Variants in WDR7 observed in about 807,000 individuals in gnomAD.
WDR7 encodes WD repeat domain 7, also known as WD repeat-containing protein 7.
Under a neutral mutation model 169.4 loss-of-function variants are expected in WDR7, and 46 were observed. That is an observed-to-expected ratio of 0.27 (90% CI 0.21 to 0.35). The LOEUF is 0.35. Among genes scored for constraint, WDR7 ranks in the 10% least tolerant of loss-of-function variants. The pLI, the probability that WDR7 is intolerant of heterozygous loss-of-function variation, is 1.00. For missense variants in WDR7, 1,534 were observed against 1,859.3 expected, an observed-to-expected ratio of 0.83 and a Z score of 3.22; for synonymous variants, 612 against 666.8, an observed-to-expected ratio of 0.92 and a Z score of 1.27.
At chr18:56,911,960 G>A (rs755195846) in intron 21 of WDR7, among the ~76,000 whole-genome samples, 20 of 152,126 alleles carry the variant, frequency 1.3e-4, no homozygotes, top group Non-Finnish European at 2.4e-4. Flanking sequence ...ACATTAGCGC[G>A]AATGGATAAA....
At chr18:57,007,872 A>G (rs1599241476) in intron 26 of WDR7, among the ~76,000 whole-genome samples, 2 of 151,946 alleles carry the variant, frequency 1.3e-5, no homozygotes, top group Admixed American at 1.3e-4. Flanking sequence ...AACCATTTAC[A>G]TTGGATTTTT....
intron 19 of WDR7, among the ~76,000 whole-genome samples, chr18:56,782,857 TCA>T (rs1185202124): frequency 6.6e-6 from 1 of 152,170 alleles, no homozygotes; most frequent in Non-Finnish European, 1.5e-5. Context: ...TTTCTTAGTC[TCA>T]GTTTTATCGC....
chr18:56,875,140 C>T (rs2046005988), intron 20 of WDR7, among the ~76,000 whole-genome samples: 1 of 152,162 alleles, frequency 6.6e-6, no homozygotes, highest in South Asian at 2.1e-4. Context: ...TTAAAGTCAG[C>T]TTCTGGAAAG....
At chr18:56,848,510 A>C (rs1338812155) in intron 20 of WDR7, among the ~76,000 whole-genome samples, 1 of 152,124 alleles carries the variant, frequency 6.6e-6, no homozygotes, top group Admixed American at 6.5e-5. Flanking sequence ...AGAAGGACAT[A>C]AGATTAGGGG....
rs1288134170 is a variant in WDR7, at chr18:56,741,333, A to G, written c.1989+9736A>G. On this transcript the variant is annotated intron_variant, in intron 14 of 27. Transcript: ENST00000254442. Reference sequence around the variant, plus strand: ...GTTATCGAATCATCTTCTCTTGAAAACCAATCCAAAATAATCTTTTGTCAT... The same window carrying G: ...GTTATCGAATCATCTTCTCTTGAAAGCCAATCCAAAATAATCTTTTGTCAT... Among the ~76,000 whole-genome samples, 7 of 152,206 alleles carry G rather than the reference A, an allele frequency of 4.6e-5. 1 individual carries two copies. Among genetic ancestry groups the G allele is most frequent in the African/African-American group, 1.7e-4 (7 of 41,534 alleles).
intron 13 of WDR7, among the ~76,000 whole-genome samples, chr18:56,724,205 G>T (rs2026386463): frequency 8.9e-6 from 1 of 112,546 alleles, no homozygotes; most frequent in South Asian, 3.0e-4. Context: ...TGACATGCCT[G>T]GTAATTTTTT....
intron 26 of WDR7, among the ~76,000 whole-genome samples, chr18:57,012,218 G>A (rs916121466): frequency 6.6e-6 from 1 of 152,176 alleles, no homozygotes; most frequent in Non-Finnish European, 1.5e-5. Context: ...CACTGTGACA[G>A]TGGGCCAGTG....
intron 14 of WDR7, among the ~76,000 whole-genome samples, chr18:56,751,395 T>C (rs538496453): frequency 2.0e-5 from 3 of 152,262 alleles, no homozygotes; most frequent in Admixed American, 6.5e-5. Context: ...CAATAATTTC[T>C]TTACCAAGCA....
chr18:56,812,643 C>T (rs553135831), intron 19 of WDR7, among the ~76,000 whole-genome samples: 4 of 152,264 alleles, frequency 2.6e-5, no homozygotes, highest in African/African-American at 9.6e-5. Context: ...ATGGCCAAAG[C>T]CCTGAGAACC....
chr18:56,930,414 AT>A (rs1399668444), intron 22 of WDR7, among the ~76,000 whole-genome samples: 1 of 152,190 alleles, frequency 6.6e-6, no homozygotes, highest in Non-Finnish European at 1.5e-5. Context: ...TTTCTGTGAA[AT>A]TTATTCTTAA....
At chr18:56,867,018 T>C (rs1016876056) in intron 20 of WDR7, among the ~76,000 whole-genome samples, 6 of 151,714 alleles carry the variant, frequency 4.0e-5, no homozygotes, top group African/African-American at 1.5e-4. Flanking sequence ...TACTTATTTA[T>C]TTATTTATTT....
intron 26 of WDR7, among the ~76,000 whole-genome samples, chr18:56,972,162 C>CT (rs2047498051): frequency 6.6e-6 from 1 of 152,180 alleles, no homozygotes; most frequent in Middle Eastern, 3.4e-3. Context: ...GTCAAGCACT[C>CT]TAAGACACTA....
At chr18:56,939,511 T>C (rs1326099555) in intron 25 of WDR7, 118 bp downstream of exon 25, 1 of 585,436 alleles carries the variant, frequency 1.7e-6, no homozygotes, top group Non-Finnish European at 2.7e-6. Context: ...TTTATTAATG[T>C]CTGCTTACTT....
At chr18:56,982,357 A>G (rs1228944115) in intron 26 of WDR7, among the ~76,000 whole-genome samples, 5 of 152,188 alleles carry the variant, frequency 3.3e-5, no homozygotes, top group African/African-American at 1.2e-4. Flanking sequence ...TTTCACAACA[A>G]AGGCTTCCTT....
intron 20 of WDR7, among the ~76,000 whole-genome samples, chr18:56,859,532 T>C (rs1043872978): frequency 7.2e-5 from 11 of 152,208 alleles, no homozygotes; most frequent in Non-Finnish European, 1.5e-4. Flanking sequence ...TATTATACTT[T>C]GGAATTTGTA....
intron 21 of WDR7, among the ~76,000 whole-genome samples, chr18:56,918,934 C>T (rs575491168): frequency 6.6e-6 from 1 of 152,246 alleles, no homozygotes; most frequent in South Asian, 2.1e-4. Flanking sequence ...GGAACTTAAC[C>T]TGTTTAGCAA....
intron 20 of WDR7, among the ~76,000 whole-genome samples, chr18:56,876,410 C>A (rs959809789): frequency 6.6e-6 from 1 of 151,842 alleles, no homozygotes; most frequent in East Asian, 1.9e-4. Context: ...ATAAAGTATA[C>A]AAAGAGAAAA....
At chr18:56,750,267 T>C (rs1432935121) in intron 14 of WDR7, among the ~76,000 whole-genome samples, 1 of 152,176 alleles carries the variant, frequency 6.6e-6, no homozygotes, top group Admixed American at 6.5e-5. Flanking sequence ...AATGGTTAGA[T>C]CTGTATTTAA....
At chr18:56,952,221 T>G (rs2047193550) in intron 25 of WDR7, among the ~76,000 whole-genome samples, 1 of 152,182 alleles carries the variant, frequency 6.6e-6, no homozygotes, top group African/African-American at 2.4e-5. Context: ...GACAGCGAAT[T>G]CCAGGTGGTG....
Sources: gnomAD v4.1 joint callset for allele counts (sites outside exome capture counted in the v4.1 genomes callset) on GRCh38, gnomAD v4.1.1 for gene constraint, MANE v1.5 for transcripts, NCBI Gene and HGNC (gene_info 2026-07-23, HGNC 2026-07-21) for gene names.